PLEKHH2: variants seen among roughly 807,000 people sequenced by gnomAD.
The protein encoded by PLEKHH2 is pleckstrin homology domain-containing family H member 2.
A neutral mutation model predicts 187.9 loss-of-function variants in PLEKHH2; 129 were observed. The observed-to-expected ratio is 0.69, with a 90% CI of 0.59 to 0.79. PLEKHH2 has a LOEUF of 0.79. Ranked by LOEUF, PLEKHH2 falls within the 30% of genes least tolerant of loss-of-function variation. The pLI, the probability that PLEKHH2 is intolerant of heterozygous loss-of-function variation, is 0.00. For synonymous variants in PLEKHH2, 686 were observed against 605.6 expected, an observed-to-expected ratio of 1.13 and a Z score of -1.95; for missense variants, 2,076 against 1,751.2, an observed-to-expected ratio of 1.19 and a Z score of -3.31.
intron 6 of PLEKHH2, among the ~76,000 whole-genome samples, 195 bp from the exon 7 acceptor site, chr2:43,696,976 T>A (rs1325956016): frequency 6.6e-6 from 1 of 152,228 alleles, no homozygotes. Context: ...TCAAAATATG[T>A]AAAACAGAAT....
At chr2:43,740,382 C>T (rs1038907013) in intron 20 of PLEKHH2, among the ~76,000 whole-genome samples, 38 of 152,218 alleles carry the variant, frequency 2.5e-4, no homozygotes, top group African/African-American at 8.9e-4. Context: ...TCTGCTGTAA[C>T]ATGTTTTATA....
intron 15 of PLEKHH2, among the ~76,000 whole-genome samples, chr2:43,713,856 T>C (rs1426882639): frequency 6.6e-6 from 1 of 152,190 alleles, no homozygotes; most frequent in Non-Finnish European, 1.5e-5. Context: ...TTTATACTTA[T>C]TATTAATGTG....
rs143888885 is a variant in PLEKHH2 at position 43,681,080 on chromosome 2, A to G, written c.186+2155A>G. ...TATGATTCCAATCTACTGTTCCACT[A>G]TTTGAATGCCAACCAACTCCAGAAT... On this transcript the variant is annotated intron_variant, in intron 3 of 29. Coordinates refer to ENST00000282406, the MANE Select transcript of PLEKHH2 (RefSeq NM_172069.4). 3.1e-5 allele frequency: 38 copies of G among 1,210,334 alleles called. No homozygotes were observed. The African/African-American group carries it at 5.1e-4, about 16-fold the overall frequency. The allele number at this position is 1,210,334 out of a possible 1,614,324, so 75.0% of individuals were successfully genotyped here. A position where few individuals can be genotyped will look rare whatever the true frequency, so the allele number is the denominator to read the frequency against.
At chr2:43,656,842 AC>A (rs1666794994) in intron 2 of PLEKHH2, among the ~76,000 whole-genome samples, 2 of 152,124 alleles carry the variant, frequency 1.3e-5, no homozygotes, top group Non-Finnish European at 2.9e-5. Context: ...ACATGGTAAA[AC>A]CCTGTCTCTA....
intron 1 of PLEKHH2, among the ~76,000 whole-genome samples, chr2:43,642,022 C>T (rs1000104895): frequency 2.0e-5 from 3 of 152,152 alleles, no homozygotes; most frequent in African/African-American, 7.2e-5. Flanking sequence ...AATGCAGTTG[C>T]AACTTTGATA....
chr2:43,735,762 G>T (rs1245409125), intron 19 of PLEKHH2, among the ~76,000 whole-genome samples: 1 of 152,062 alleles, frequency 6.6e-6, no homozygotes, highest in African/African-American at 2.4e-5. Context: ...GACTGAAAGG[G>T]ATTTATTCTA....
Position 43,749,193 on chromosome 2 carries a change from C to T in PLEKHH2, c.3653+3230C>T, listed in dbSNP as rs1361900867. On this transcript the variant is annotated intron_variant, in intron 24 of 29. Coordinates refer to ENST00000282406, the MANE Select transcript of PLEKHH2 (RefSeq NM_172069.4). ...GACAGGTAAAAATAATGCTTCAAGT[C>T]TAACAAACATCACAAGGAAGGACAA... Among the ~76,000 whole-genome samples the T allele has an allele frequency of 9.2e-5, 14 of 152,260 alleles. 1 individual carries two copies. In the South Asian group the frequency reaches 2.5e-3, roughly 27 times the overall value.
chr2:43,688,606 G>T (rs1433636607), intron 3 of PLEKHH2, among the ~76,000 whole-genome samples: 2 of 152,174 alleles, frequency 1.3e-5, no homozygotes, highest in Non-Finnish European at 2.9e-5. Context: ...GCTGTATTGG[G>T]ATCCCCAACA....
At chr2:43,719,818 T>G (rs1461139682) in intron 15 of PLEKHH2, among the ~76,000 whole-genome samples, 1 of 152,246 alleles carries the variant, frequency 6.6e-6, no homozygotes, top group Non-Finnish European at 1.5e-5. Flanking sequence ...GTGGAAACTA[T>G]GAAATATACT....
intron 2 of PLEKHH2, among the ~76,000 whole-genome samples, chr2:43,677,340 C>T (rs1460305306): frequency 6.6e-6 from 1 of 152,094 alleles, no homozygotes; most frequent in East Asian, 1.9e-4. Flanking sequence ...GCAGAGGACC[C>T]TTCGGCCCTC....
At chr2:43,716,855 G>A (rs1005892238) in intron 15 of PLEKHH2, among the ~76,000 whole-genome samples, 1 of 152,166 alleles carries the variant, frequency 6.6e-6, no homozygotes, top group Non-Finnish European at 1.5e-5. Flanking sequence ...AGTTTCAACA[G>A]TTATTAATTA....
At chr2:43,692,701 A>G in intron 4 of PLEKHH2, 38 bp downstream of exon 4, 2 of 1,581,204 alleles carry the variant, frequency 1.3e-6, no homozygotes, top group East Asian at 2.2e-5. Context: ...AAGTGTGTGC[A>G]CTCATTTGTG....
intron 5 of PLEKHH2, among the ~76,000 whole-genome samples, chr2:43,694,726 G>A (rs1455561278): frequency 6.6e-6 from 1 of 152,132 alleles, no homozygotes; most frequent in Non-Finnish European, 1.5e-5. Context: ...GAGGATCAGT[G>A]TGAATAACTT....
intron 2 of PLEKHH2, among the ~76,000 whole-genome samples, chr2:43,668,289 C>T (rs1667323004): frequency 6.6e-6 from 1 of 152,168 alleles, no homozygotes; most frequent in African/African-American, 2.4e-5. Context: ...ACCTTGGCCT[C>T]CCAAAGTGCT....
chr2:43,651,568 T>A (rs1301058365), intron 2 of PLEKHH2, among the ~76,000 whole-genome samples: 1 of 150,718 alleles, frequency 6.6e-6, no homozygotes, highest in Non-Finnish European at 1.5e-5. Flanking sequence ...GATTTTTGTG[T>A]CTTTTTTTTT....
chr2:43,680,737 G>T, intron 3 of PLEKHH2: 1 of 410,654 alleles, frequency 2.4e-6, no homozygotes, highest in Non-Finnish European at 4.7e-6. Flanking sequence ...AAATCTTTCA[G>T]AAGGACCTCT....
At chr2:43,683,142 CTT>C (rs34805310) in intron 3 of PLEKHH2, among the ~76,000 whole-genome samples, 115 of 94,566 alleles carry the variant, frequency 1.2e-3, no homozygotes, top group African/African-American at 4.6e-3. Flanking sequence ...TTTATATACC[CTT>C]TTTTTTTTTT....
intron 3 of PLEKHH2, among the ~76,000 whole-genome samples, chr2:43,690,925 A>C (rs1668759895): frequency 6.6e-6 from 1 of 152,240 alleles, no homozygotes; most frequent in Admixed American, 6.5e-5. Flanking sequence ...TGATAGGAAA[A>C]TCTAAACTTT....
intron 9 of PLEKHH2, among the ~76,000 whole-genome samples, chr2:43,704,399 C>T (rs931814232): frequency 2.6e-5 from 4 of 152,050 alleles, no homozygotes; most frequent in Admixed American, 6.6e-5. Flanking sequence ...CGGTGGCTCG[C>T]GCCTGTTATC....
Sources: allele counts gnomAD v4.1 joint callset (sites outside exome capture counted in the v4.1 genomes callset), GRCh38; gene constraint gnomAD v4.1.1; transcripts MANE v1.5; gene names NCBI Gene and HGNC (gene_info 2026-07-23, HGNC 2026-07-21).